The following SEC23IP variants were observed in gnomAD, a reference collection of about 807,000 sequenced individuals.
SEC23IP encodes the protein SEC23 interacting protein.
A neutral mutation model predicts 113.4 loss-of-function variants in SEC23IP; 70 were observed. That is an observed-to-expected ratio of 0.62 (90% CI 0.51 to 0.75). SEC23IP has a LOEUF of 0.75. Ranked by LOEUF, SEC23IP falls within the 30% of genes least tolerant of loss-of-function variation. The pLI is 0.00. For synonymous variants in SEC23IP, 398 were observed against 421.0 expected, an observed-to-expected ratio of 0.95 and a Z score of 0.67; for missense variants, 1,160 against 1,204.9, an observed-to-expected ratio of 0.96 and a Z score of 0.55.
intron 1 of SEC23IP, 183 bp from the exon 2 acceptor site, chr10:119,898,244 T>A (rs556443574): frequency 1.8e-6 from 2 of 1,120,774 alleles, no homozygotes; most frequent in Non-Finnish European, 2.3e-6. Flanking sequence ...TGTTTTCTAG[T>A]TTTTCATTTC....
At chr10:119,919,147 C>T (rs1855154579) in intron 10 of SEC23IP, among the ~76,000 whole-genome samples, 1 of 151,974 alleles carries the variant, frequency 6.6e-6, no homozygotes, top group South Asian at 2.1e-4. Flanking sequence ...GCGCCTGCCA[C>T]CAAGCTGAGC....
rs777772337 is a variant in SEC23IP at position 119,917,895 on chromosome 10, C to T, written c.1604C>T (p.Thr535Ile). ...IGRFRHFTNE[T>I]LLDILFYNSP... is the part of the protein sequence containing the mutation. Reference sequence around the variant, plus strand: ...CGATTTCGTCACTTTACCAATGAAACTTTGCTAGATATTTTATTTTATAAC... The same window carrying T: ...CGATTTCGTCACTTTACCAATGAAATTTTGCTAGATATTTTATTTTATAAC... Residue 535 changes from threonine (T) to isoleucine (I), a missense_variant, in exon 9 of 19, where the codon ACT (threonine) becomes ATT (isoleucine). Thr to Ile is a moderately conservative substitution (Grantham distance 89). Transcript: ENST00000369075. The T allele has an allele frequency of 1.2e-6, 2 of 1,613,996 alleles. No individual in the cohort carries two copies. Among genetic ancestry groups the T allele is most frequent in the South Asian group, 2.2e-5 (2 of 91,090 alleles).
chr10:119,896,794 C>G (rs1165042486), intron 1 of SEC23IP, among the ~76,000 whole-genome samples: 1 of 146,332 alleles, frequency 6.8e-6, no homozygotes, highest in Non-Finnish European at 1.5e-5. Context: ...TTTTTTCATT[C>G]TTTTAATTGT....
rs74660906 is a variant in SEC23IP, at chr10:119,898,378, G to T, written c.164-49G>T. ...CCCTTCCTTATAGAATCGTATCTGC[G>T]GAGTGATAGAGTACCCTTTAAACCA... On this transcript the variant is annotated intron_variant, in intron 1 of 18. Coordinates refer to ENST00000369075, the MANE Select transcript of SEC23IP (RefSeq NM_007190.4). The T allele has an allele frequency of 9.9e-6, 15 of 1,521,432 alleles. No individual in the cohort carries two copies. The East Asian group carries it at 3.5e-4, about 35-fold the overall frequency. The allele number at this position is 1,521,432 out of a possible 1,614,324, so 94.2% of individuals were successfully genotyped here.
chr10:119,898,261 G>T, intron 1 of SEC23IP, 166 bp from the exon 2 acceptor site: 2 of 1,223,886 alleles, frequency 1.6e-6, no homozygotes, highest in Non-Finnish European at 2.1e-6. Flanking sequence ...TTTCTAAGAA[G>T]CAAGTTTTCA....
intron 18 of SEC23IP, among the ~76,000 whole-genome samples, chr10:119,937,613 G>A (rs765979918): frequency 6.6e-6 from 1 of 150,806 alleles, no homozygotes; most frequent in Non-Finnish European, 1.5e-5. Flanking sequence ...ATGACAGAGC[G>A]AGACTCCGTC....
chr10:119,898,512 C>T lies in SEC23IP; in HGVS notation c.249C>T (p.Phe83=), dbSNP rs150807179. The change falls in exon 2 of 19, where the codon TTC becomes TTT. Residue 83 remains phenylalanine, a synonymous_variant. Transcript: ENST00000369075. ...CTGCCCCACAGACATTTAGTTACTT[C>T]TCTCAGGTATCAAGCAGCAGTGATC... The part of the protein sequence containing the change: ...HTSAPQTFSY[F]SQVSSSSDPF... The T allele has an allele frequency of 1.2e-6, 2 of 1,614,132 alleles. No individual in the cohort carries two copies. Among genetic ancestry groups the T allele is most frequent in the South Asian group, 2.2e-5 (2 of 91,082 alleles).
chr10:119,936,949 G>A (rs908235070), intron 18 of SEC23IP, among the ~76,000 whole-genome samples: 2 of 151,600 alleles, frequency 1.3e-5, no homozygotes, highest in Non-Finnish European at 2.9e-5. Context: ...GTGCAGTGGC[G>A]TGATCTCGGC....
At chr10:119,910,278 T>C (rs1017994523) in intron 5 of SEC23IP, among the ~76,000 whole-genome samples, 6 of 152,226 alleles carry the variant, frequency 3.9e-5, no homozygotes, top group African/African-American at 1.4e-4. Context: ...TTATCGTCTC[T>C]ATGAGTTTAT....
chr10:119,944,437 A>C lies in SEC23IP; in HGVS notation c.*3872A>C, dbSNP rs1030915933. On this transcript the variant is annotated 3_prime_UTR_variant, in exon 19 of 19. Coordinates refer to ENST00000369075, the MANE Select transcript of SEC23IP (RefSeq NM_007190.4). ...GGTAGTACCTTGATAGCAGTGTGAAAATGGACTAATACAGTCAGGGACCTA... is the reference window on the plus strand; with the variant it reads ...GGTAGTACCTTGATAGCAGTGTGAACATGGACTAATACAGTCAGGGACCTA... 6.6e-6 allele frequency: 1 copy of C among 152,310 alleles called. No homozygotes were observed. The highest frequency in any genetic ancestry group is 2.4e-5 in the African/African-American group (1 of 41,450). 9.4% of individuals were successfully genotyped at this position (152,310 alleles called of 1,614,324 possible). A position where few individuals can be genotyped will look rare whatever the true frequency, so the allele number is the denominator to read the frequency against.
chr10:119,914,117 G>A (rs1424867112), intron 6 of SEC23IP, among the ~76,000 whole-genome samples: 1 of 152,164 alleles, frequency 6.6e-6, no homozygotes, highest in East Asian at 1.9e-4. Context: ...CCGAGATGGC[G>A]CCATTGCACT....
rs943128093 is a variant in SEC23IP at position 119,942,833 on chromosome 10, TG to T, written c.*2269del. 1 of 152,186 alleles carries T rather than the reference TG, an allele frequency of 6.6e-6. No individual in the cohort carries two copies. Among genetic ancestry groups the T allele is most frequent in the Non-Finnish European group, 1.5e-5 (1 of 68,034 alleles). The allele number at this position is 152,186 out of a possible 1,614,324, so 9.4% of individuals were successfully genotyped here. A position where few individuals can be genotyped will look rare whatever the true frequency, so the allele number is the denominator to read the frequency against. On this transcript the variant is annotated 3_prime_UTR_variant, in exon 19 of 19. Coordinates refer to ENST00000369075, the MANE Select transcript of SEC23IP (RefSeq NM_007190.4). Reference sequence around the variant, plus strand: ...CTTCTTGAATCCAACCAGACAAGCATGTTTTCTCAAAACCACAGTATAAGAC... The same window carrying T: ...CTTCTTGAATCCAACCAGACAAGCATTTTTCTCAAAACCACAGTATAAGAC...
At chr10:119,910,264 A>C (rs1008317275) in intron 5 of SEC23IP, among the ~76,000 whole-genome samples, 5 of 151,906 alleles carry the variant, frequency 3.3e-5, no homozygotes, top group African/African-American at 1.2e-4. Flanking sequence ...TTTTCTTTTT[A>C]TTTTTATCGT....
chr10:119,930,368 C>G lies in SEC23IP; in HGVS notation c.2509C>G (p.Pro837Ala). ...VAYRLEPMIV[P>A]DLDLKAVLIP... is the part of the protein sequence containing the mutation. Reference sequence around the variant, plus strand: ...ATATAGATTAGAACCTATGATTGTTCCAGATTTGGACCTAAAAGCTGTTCT... The same window carrying G: ...ATATAGATTAGAACCTATGATTGTTGCAGATTTGGACCTAAAAGCTGTTCT... The change falls in exon 15 of 19, where the codon CCA becomes GCA. Residue 837 changes from proline (P) to alanine (A), a missense_variant. Physicochemically the swap from Pro to Ala is conservative, Grantham distance 27. Coordinates refer to ENST00000369075, the MANE Select transcript of SEC23IP (RefSeq NM_007190.4). 6.2e-7 allele frequency: 1 copy of G among 1,610,764 alleles called. No homozygotes were observed. The highest frequency in any genetic ancestry group is 8.5e-7 in the Non-Finnish European group (1 of 1,177,544).
At position 119,924,964 on chromosome 10, in the gene SEC23IP, A is replaced by G. The variant is rs76494801; in HGVS notation, c.2122-1072A>G. 0.012 allele frequency among the ~76,000 whole-genome samples: 1,770 copies of G among 151,746 alleles called. 127 individuals carry two copies. The East Asian group carries it at 0.18, about 16-fold the overall frequency. On this transcript the variant is annotated intron_variant, in intron 12 of 18. Coordinates refer to ENST00000369075, the MANE Select transcript of SEC23IP (RefSeq NM_007190.4). The stretch of plus-strand genomic sequence containing the variant: ...AGCTAATTTTTCTGTTTTTTTAGAG[A>G]TGGTGTCTTGCCATGTTGCTCAGGT...
chr10:119,918,279 A>G, intron 9 of SEC23IP, 114 bp from the exon 10 acceptor site: 1 of 706,174 alleles, frequency 1.4e-6, no homozygotes, highest in Non-Finnish European at 2.4e-6. Context: ...ATTAATTATC[A>G]GGTCTTGAAT....
rs1656520685 is a variant in SEC23IP at position 119,918,446 on chromosome 10, A to G, written c.1807A>G (p.Lys603Glu). 1 of 1,613,686 alleles carries G rather than the reference A, an allele frequency of 6.2e-7. No individual in the cohort carries two copies. The highest frequency in any genetic ancestry group is 1.1e-5 in the South Asian group (1 of 91,084). ...LSNQKDLNLSKCPGPLAVANG... is the reference protein window; with the variant it reads ...LSNQKDLNLSECPGPLAVANG... ...TAATCAAAAAGATTTGAATTTATCA[A>G]AGTGCCCTGGACCTCTTGCTGTTGC... The change falls in exon 10 of 19, where the codon AAG becomes GAG. Residue 603 changes from lysine to glutamate, a missense_variant. Physicochemically the swap from Lys to Glu is moderately conservative, Grantham distance 56. Transcript: ENST00000369075.
intron 6 of SEC23IP, among the ~76,000 whole-genome samples, chr10:119,912,663 C>G (rs530253554): frequency 1.8e-3 from 242 of 137,180 alleles, no homozygotes; most frequent in Non-Finnish European, 2.7e-3. Flanking sequence ...TTTTTTCAGA[C>G]AGGGTCTCAC....
At chr10:119,901,049 G>A (rs1471049108) in intron 2 of SEC23IP, among the ~76,000 whole-genome samples, 1 of 143,728 alleles carries the variant, frequency 7.0e-6, no homozygotes, top group African/African-American at 2.6e-5. Flanking sequence ...AAGAGTGGGG[G>A]GGGGGTCTTG....
Sources: allele counts gnomAD v4.1 joint callset (sites outside exome capture counted in the v4.1 genomes callset), GRCh38; gene constraint gnomAD v4.1.1; transcripts MANE v1.5; gene names NCBI Gene and HGNC (gene_info 2026-07-23, HGNC 2026-07-21).